Variants in RBFOX1 observed in about 807,000 individuals in gnomAD.
The protein encoded by RBFOX1 is RNA binding protein fox-1 homolog 1.
Under a neutral mutation model 57.7 loss-of-function variants are expected in RBFOX1, and 8 were observed. The ratio of observed to expected loss-of-function variants is 0.14; its 90% confidence interval spans 0.08 to 0.25. The LOEUF is 0.25. RBFOX1 is among the 10% of genes least tolerant of loss of function. The probability of loss-of-function intolerance (pLI) is 1.00; values close to 1 mark genes in which losing one functional copy is unlikely to be tolerated. For synonymous variants in RBFOX1, 326 were observed against 222.4 expected, an observed-to-expected ratio of 1.47 and a Z score of -4.15; for missense variants, 611 against 548.5, an observed-to-expected ratio of 1.11 and a Z score of -1.14.
chr16:6,865,026 G>A (rs1421480210), intron 3 of RBFOX1, among the ~76,000 whole-genome samples: 6 of 65,554 alleles, frequency 9.2e-5, no homozygotes, highest in African/African-American at 3.3e-4. Flanking sequence ...TTTTGAGATC[G>A]AATTTTGCTC....
intron 3 of RBFOX1, among the ~76,000 whole-genome samples, chr16:6,855,286 A>G (rs1466333828): frequency 3.9e-5 from 6 of 152,104 alleles, no homozygotes; most frequent in Non-Finnish European, 7.4e-5. Context: ...TCAGCATTCT[A>G]GTATACAGGT....
rs189293219 is a variant in RBFOX1 at position 6,661,737 on chromosome 16, T to G, written c.-16+7087T>G. On this transcript the variant is annotated intron_variant, in intron 3 of 15. Coordinates refer to ENST00000550418, the MANE Select transcript of RBFOX1 (RefSeq NM_018723.4). ...GACCCTGAGAAATCACAGGGCTGGG[T>G]TGCCCCTTCCTTGTGATGTGTGACA... Among the ~76,000 whole-genome samples the G allele has an allele frequency of 3.3e-5, 5 of 152,228 alleles. No homozygotes were observed. In the East Asian group the frequency reaches 9.7e-4, roughly 30 times the overall value.
chr16:7,709,530 G>C, intron 15 of RBFOX1: 1 of 1,533,458 alleles, frequency 6.5e-7, no homozygotes. Context: ...CTTCAGAGGA[G>C]CTAAGCTGCA....
intron 3 of RBFOX1, among the ~76,000 whole-genome samples, chr16:5,845,628 C>T (rs1052003031): frequency 6.6e-6 from 1 of 152,178 alleles, no homozygotes; most frequent in Non-Finnish European, 1.5e-5. Flanking sequence ...CATAACTGTG[C>T]TGTCCCATTT....
intron 4 of RBFOX1, among the ~76,000 whole-genome samples, chr16:7,068,401 A>G (rs947147737): frequency 6.6e-6 from 1 of 152,126 alleles, no homozygotes; most frequent in East Asian, 1.9e-4. Context: ...AGCATTCAGA[A>G]CTACCATCCA....
intron 2 of RBFOX1, among the ~76,000 whole-genome samples, chr16:6,558,306 C>G (rs1011070834): frequency 2.6e-5 from 4 of 152,124 alleles, no homozygotes; most frequent in Admixed American, 6.5e-5. Flanking sequence ...AGAAAGAGGC[C>G]TTACAGAGCA....
At chr16:5,880,336 TG>T (rs2057731910) in intron 4 of RBFOX1, among the ~76,000 whole-genome samples, 1 of 152,196 alleles carries the variant, frequency 6.6e-6, no homozygotes, top group African/African-American at 2.4e-5. Flanking sequence ...AGATTTCCTT[TG>T]GTAGCATTGT....
rs867674260 is a variant in RBFOX1, at chr16:7,132,465, C to G, written c.27+80367C>G. On this transcript the variant is annotated intron_variant, in intron 4 of 15. Coordinates refer to ENST00000550418, the MANE Select transcript of RBFOX1 (RefSeq NM_018723.4). The stretch of plus-strand genomic sequence containing the variant: ...ACACACACACACACACACACACACA[C>G]ACACACACACACACACAGTCACTTT... Among the ~76,000 whole-genome samples, 3 of 143,896 alleles carry G rather than the reference C, an allele frequency of 2.1e-5. No homozygotes were observed. The South Asian group carries it at 6.4e-4, about 31-fold the overall frequency. 94.4% of individuals were successfully genotyped at this position (143,896 alleles called of 152,430 possible).
intron 4 of RBFOX1, among the ~76,000 whole-genome samples, chr16:5,952,013 A>G (rs1003497364): frequency 4.0e-5 from 6 of 151,318 alleles, no homozygotes; most frequent in Admixed American, 2.0e-4. Flanking sequence ...GTGTATATAT[A>G]TATGCACACA....
chr16:5,501,738 A>G (rs975316449), intron 2 of RBFOX1, among the ~76,000 whole-genome samples: 3 of 152,094 alleles, frequency 2.0e-5, no homozygotes, highest in African/African-American at 2.4e-5. Flanking sequence ...TTTAGAGACA[A>G]GATCTTGCTC....
At chr16:6,063,862 T>C (rs1477376382) in intron 1 of RBFOX1, among the ~76,000 whole-genome samples, 2 of 152,194 alleles carry the variant, frequency 1.3e-5, no homozygotes, top group Admixed American at 6.5e-5. Context: ...GTTGTCTGTC[T>C]TTATATCCTT....
At chr16:5,643,092 G>A (rs973952000) in intron 3 of RBFOX1, among the ~76,000 whole-genome samples, 5 of 152,126 alleles carry the variant, frequency 3.3e-5, no homozygotes, top group East Asian at 1.9e-4. Flanking sequence ...CAGAGGCTCC[G>A]TGTTAACCTC....
chr16:7,034,841 C>CTTTCTTTTTTT (rs2043856073), intron 3 of RBFOX1, among the ~76,000 whole-genome samples: 1 of 39,166 alleles, frequency 2.6e-5, no homozygotes. Context: ...TTTTTTTTTT[C>CTTTCTTTTTTT]TTTTTTCTTT....
At chr16:7,072,575 C>G (rs1232159013) in intron 4 of RBFOX1, among the ~76,000 whole-genome samples, 1 of 152,154 alleles carries the variant, frequency 6.6e-6, no homozygotes. Flanking sequence ...AATCAGTATG[C>G]ACCAATAACA....
chr16:7,095,845 T>A (rs925427885), intron 4 of RBFOX1, among the ~76,000 whole-genome samples: 5 of 151,630 alleles, frequency 3.3e-5, no homozygotes, highest in African/African-American at 1.2e-4. Flanking sequence ...ACACCTTCTG[T>A]ACTAAAAATA....
At chr16:7,614,815 C>T (rs2058157798) in intron 10 of RBFOX1, 1 of 152,176 alleles carries the variant, frequency 6.6e-6, no homozygotes, top group South Asian at 2.1e-4. Context: ...AAAATGCTAT[C>T]CCATTATTTT....
At chr16:6,760,945 A>G (rs560348746) in intron 3 of RBFOX1, among the ~76,000 whole-genome samples, 1 of 152,306 alleles carries the variant, frequency 6.6e-6, no homozygotes, top group East Asian at 1.9e-4. Context: ...TCAGGATCGG[A>G]CTGTAATGGA....
rs74009325 is a variant in RBFOX1, at chr16:6,837,327, C to T, written c.-16+182677C>T. On this transcript the variant is annotated intron_variant, in intron 3 of 15. Coordinates refer to ENST00000550418, the MANE Select transcript of RBFOX1 (RefSeq NM_018723.4). ...GGCTGCTTCCATTTTGTAGATGTGCCACCTGGCTGACTCTGATAAGGAAGT... is the reference window on the plus strand; with the variant it reads ...GGCTGCTTCCATTTTGTAGATGTGCTACCTGGCTGACTCTGATAAGGAAGT... Among the ~76,000 whole-genome samples the T allele has an allele frequency of 6.9e-3, 1,050 of 152,294 alleles. 14 individuals are homozygous for T. The highest frequency in any genetic ancestry group is 0.024 in the African/African-American group (990 of 41,552).
At chr16:6,669,509 A>ATATG (rs1417249283) in intron 3 of RBFOX1, among the ~76,000 whole-genome samples, 1 of 152,190 alleles carries the variant, frequency 6.6e-6, no homozygotes, top group African/African-American at 2.4e-5. Flanking sequence ...AGTATGATTG[A>ATATG]CAAGTAAAAA....
Sources: gnomAD v4.1 joint callset for allele counts (sites outside exome capture counted in the v4.1 genomes callset) on GRCh38, gnomAD v4.1.1 for gene constraint, MANE v1.5 for transcripts, NCBI Gene and HGNC (gene_info 2026-07-23, HGNC 2026-07-21) for gene names.